BTBD3: variants seen among roughly 807,000 people sequenced by gnomAD.
BTBD3 encodes the protein BTB/POZ domain-containing protein 3.
In BTBD3, 14 loss-of-function variants were observed where a neutral mutation model predicts 41.6. That is an observed-to-expected ratio of 0.34 (90% CI 0.22 to 0.53). The LOEUF (loss-of-function observed/expected upper bound fraction) is 0.53, where lower values mean the gene tolerates loss of function less well. Among genes scored for constraint, BTBD3 ranks in the 20% least tolerant of loss-of-function variants. BTBD3 has a pLI of 0.95. For missense variants in BTBD3, 426 were observed against 654.7 expected, an observed-to-expected ratio of 0.65 and a Z score of 3.81; for synonymous variants, 249 against 233.7, an observed-to-expected ratio of 1.07 and a Z score of -0.60.
chr20:11,912,618 G>A (rs1372921538), intron 1 of BTBD3, among the ~76,000 whole-genome samples: 2 of 152,206 alleles, frequency 1.3e-5, no homozygotes, highest in African/African-American at 4.8e-5. Context: ...TTGTGTTTTA[G>A]ATGATTGCAT....
In BTBD3 at chr20:11,903,017, C is replaced by A. The variant is rs116353490; in HGVS notation, c.-126+12063C>A. 2.9e-3 allele frequency among the ~76,000 whole-genome samples: 435 copies of A among 151,934 alleles called. 2 individuals carry two copies. Among genetic ancestry groups the A allele is most frequent in the African/African-American group, 9.3e-3 (385 of 41,428 alleles). On this transcript the variant is annotated intron_variant, in intron 1 of 4. Transcript: ENST00000254977. The stretch of plus-strand genomic sequence containing the variant: ...TGAAAAAAATCTAGATATAAGTGGA[C>A]CAGAGCAGTTCAAACCCATAGCGTT...
intron 1 of BTBD3, 24 bp from the exon 2 acceptor site, chr20:11,919,062 T>G (rs1418333763): frequency 6.3e-7 from 1 of 1,576,458 alleles, no homozygotes; most frequent in Non-Finnish European, 8.7e-7. Context: ...CTGCTGTGAA[T>G]TAATGAGTTG....
rs1464387409 is a variant in BTBD3 at position 11,919,801 on chromosome 20, A to G, written c.501A>G (p.Pro167=). The change falls in exon 3 of 4, where the codon CCA becomes CCG. Residue 167 remains proline, a synonymous_variant. Transcript: ENST00000378226. ...LAEDKDEIRI[P]DVEPAAFLAM... Reference sequence around the variant, plus strand: ...AGGACAAAGATGAAATCCGTATACCAGATGTCGAACCTGCTGCTTTTCTCG... The same window carrying G: ...AGGACAAAGATGAAATCCGTATACCGGATGTCGAACCTGCTGCTTTTCTCG... The G allele has an allele frequency of 3.1e-6, 5 of 1,614,074 alleles. No individual in the cohort carries two copies. In the East Asian group the frequency reaches 1.1e-4, roughly 36 times the overall value.
At position 11,918,472 on chromosome 20, in the gene BTBD3, T is replaced by C. The variant is rs200955500; in HGVS notation, c.197T>C (p.Ile66Thr). The C allele has an allele frequency of 5.1e-5, 82 of 1,614,178 alleles. No homozygotes were observed. In the East Asian group the frequency reaches 1.2e-3, roughly 23 times the overall value. The change falls in exon 1 of 4, where the codon ATA becomes ACA. Residue 66 changes from isoleucine to threonine, a missense_variant. Ile to Thr is a moderately conservative substitution (Grantham distance 89). Coordinates refer to ENST00000378226, the MANE Select transcript of BTBD3 (RefSeq NM_014962.4). Reference sequence around the variant, plus strand: ...AAAAAGAAGAAGATGGCTGCTGATATATTCCCCCGTAAAAAGCCAGCCAAC... The same window carrying C: ...AAAAAGAAGAAGATGGCTGCTGATACATTCCCCCGTAAAAAGCCAGCCAAC... ...KTKKKKMAAD[I>T]FPRKKPANSS...
intron 1 of BTBD3, among the ~76,000 whole-genome samples, chr20:11,895,833 G>A (rs7269676): frequency 0.32 from 48,819 of 151,994 alleles, 8,187 homozygotes; most frequent in Non-Finnish European, 0.37. Flanking sequence ...ACTGGAGTGA[G>A]TACTTCTCGG....
At position 11,926,449 on chromosome 20, in the gene BTBD3, G is replaced by A. The variant is rs1186071890; in HGVS notation, c.*2783G>A. ...GTGTGCTTGAATTTAGTAGCTTACA[G>A]CATTATTTATGAAGGAAAAAATACA... On this transcript the variant is annotated 3_prime_UTR_variant, in exon 4 of 4. Coordinates refer to ENST00000378226, the MANE Select transcript of BTBD3 (RefSeq NM_014962.4). 1 of 152,552 alleles carries A rather than the reference G, an allele frequency of 6.6e-6. No individual in the cohort carries two copies. The highest frequency in any genetic ancestry group is 2.4e-5 in the African/African-American group (1 of 41,402). The allele number at this position is 152,552 out of a possible 1,614,324, so 9.4% of individuals were successfully genotyped here.
chr20:11,913,140 A>C (rs908739056), upstream of BTBD3, among the ~76,000 whole-genome samples: 2 of 152,190 alleles, frequency 1.3e-5, no homozygotes, highest in Non-Finnish European at 2.9e-5. Flanking sequence ...ACCTTGTTTA[A>C]ACCTCTGTTA....
At chr20:11,901,449 A>G (rs947782428) in intron 1 of BTBD3, among the ~76,000 whole-genome samples, 3 of 152,154 alleles carry the variant, frequency 2.0e-5, no homozygotes, top group East Asian at 3.9e-4. Context: ...TTTGATCCCT[A>G]TGCAGTCGCA....
intron 1 of BTBD3, among the ~76,000 whole-genome samples, chr20:11,894,946 A>T (rs1034657928): frequency 3.3e-5 from 5 of 152,184 alleles, no homozygotes; most frequent in Non-Finnish European, 7.4e-5. Flanking sequence ...AATAATCTTT[A>T]TCTGAAAGGT....
chr20:11,923,044 C>T lies in BTBD3; in HGVS notation c.947C>T (p.Ala316Val), dbSNP rs957592663. Residue 316 changes from alanine to valine, a missense_variant, in exon 4 of 4, where the codon GCA becomes GTA. Coordinates refer to ENST00000378226, the MANE Select transcript of BTBD3 (RefSeq NM_014962.4). This position sits in a 1 kb window ranked among gnomAD's most constrained non-coding sequence, Gnocchi z 5.3. ...AATAAACGCAAGGTTCTAGGAAAGG[C>T]ACTTTACTTGATCCGCATACCCACA... ...IENKRKVLGK[A>V]LYLIRIPTMA... The T allele has an allele frequency of 6.2e-7, 1 of 1,613,966 alleles. No homozygotes were observed. Among genetic ancestry groups the T allele is most frequent in the African/African-American group, 1.3e-5 (1 of 74,938 alleles).
upstream of BTBD3, among the ~76,000 whole-genome samples, chr20:11,914,635 T>TA (rs113382976): frequency 4.6e-3 from 667 of 145,190 alleles, 7 homozygotes; most frequent in African/African-American, 0.01. Context: ...AATAATAAAA[T>TA]AAAAAAAAAA....
At chr20:11,907,622 G>T (rs1225961769) in intron 1 of BTBD3, among the ~76,000 whole-genome samples, 1 of 152,218 alleles carries the variant, frequency 6.6e-6, no homozygotes, top group African/African-American at 2.4e-5. Flanking sequence ...CTGCATTTGG[G>T]CATGATGAGT....
At position 11,919,743 on chromosome 20, in the gene BTBD3, T is replaced by G. The variant is rs1358996172; in HGVS notation, c.443T>G (p.Val148Gly). Reference sequence around the variant, plus strand: ...TATGTTTTAGCTGTTGGGAGCTCTGTGTTCCATGCGATGTTTTACGGAGAA... The same window carrying G: ...TATGTTTTAGCTGTTGGGAGCTCTGGGTTCCATGCGATGTTTTACGGAGAA... ...HKYVLAVGSS[V>G]FHAMFYGELA... Residue 148 changes from valine (V) to glycine (G), a missense_variant, in exon 3 of 4, where the codon GTG becomes GGG. By Grantham distance (109) the Val-to-Gly change is moderately radical. This residue lies in a region of BTBD3 where 321 missense variants were observed against 534.8 expected (regional missense o/e 0.60). Coordinates refer to ENST00000378226, the MANE Select transcript of BTBD3 (RefSeq NM_014962.4). 6.2e-7 allele frequency: 1 copy of G among 1,614,218 alleles called. No homozygotes were observed.
chr20:11,907,520 G>C (rs548834186), intron 1 of BTBD3, among the ~76,000 whole-genome samples: 93 of 152,264 alleles, frequency 6.1e-4, no homozygotes, highest in African/African-American at 2.2e-3. Context: ...CAGGTGCATG[G>C]GCATGGCACT....
chr20:11,891,669 C>G (rs367969022), intron 1 of BTBD3, among the ~76,000 whole-genome samples: 1 of 152,150 alleles, frequency 6.6e-6, no homozygotes, highest in Non-Finnish European at 1.5e-5. Context: ...GATGTTTGCT[C>G]TCTTGGGAAG....
chr20:11,907,549 C>G (rs1167468880), intron 1 of BTBD3, among the ~76,000 whole-genome samples: 1 of 152,170 alleles, frequency 6.6e-6, no homozygotes, highest in Non-Finnish European at 1.5e-5. Flanking sequence ...TATGGAGATG[C>G]AGTCCTCAGA....
intron 2 of BTBD3, chr20:11,919,463 G>A: frequency 7.2e-7 from 1 of 1,387,928 alleles, no homozygotes; most frequent in Non-Finnish European, 9.4e-7. Context: ...CTAGAAATTA[G>A]TTATGTAAGC....
At chr20:11,906,321 A>G (rs543112058) in intron 1 of BTBD3, among the ~76,000 whole-genome samples, 55 of 116,700 alleles carry the variant, frequency 4.7e-4, no homozygotes, top group African/African-American at 1.1e-3. Context: ...GTGGAGTGCA[A>G]TGGTGTTATC....
At chr20:11,920,047 C>T (rs889449360) in intron 3 of BTBD3, among the ~76,000 whole-genome samples, 1 of 152,104 alleles carries the variant, frequency 6.6e-6, no homozygotes, top group African/African-American at 2.4e-5. Flanking sequence ...CGCACCTTGA[C>T]GTAGAATTTG....
Sources: gnomAD v4.1 joint callset for allele counts (sites outside exome capture counted in the v4.1 genomes callset) on GRCh38, gnomAD v4.1.1 for gene constraint, gnomAD v4.1.1 regional missense constraint, Gnocchi (gnomAD v3.1) non-coding constraint, MANE v1.5 for transcripts, NCBI Gene and HGNC (gene_info 2026-07-23, HGNC 2026-07-21) for gene names.